Variants in FLI1 observed in about 807,000 individuals in gnomAD.
FLI1 encodes the protein Fli-1 proto-oncogene, ETS transcription factor.
In FLI1, 13 loss-of-function variants were observed where a neutral mutation model predicts 53.1. The ratio of observed to expected loss-of-function variants is 0.24; its 90% confidence interval spans 0.16 to 0.39. The LOEUF (loss-of-function observed/expected upper bound fraction) is 0.39, where lower values mean the gene tolerates loss of function less well. Among genes scored for constraint, FLI1 ranks in the 10% least tolerant of loss-of-function variants. The probability of loss-of-function intolerance (pLI) is 1.00; values close to 1 mark genes in which losing one functional copy is unlikely to be tolerated. For missense variants in FLI1, 424 were observed against 600.5 expected, an observed-to-expected ratio of 0.71 and a Z score of 3.07; for synonymous variants, 244 against 236.7, an observed-to-expected ratio of 1.03 and a Z score of -0.28.
chr11:128,688,438 T>C (rs1044781128), intron 1 of FLI1, among the ~76,000 whole-genome samples: 2 of 152,196 alleles, frequency 1.3e-5, no homozygotes, highest in African/African-American at 4.8e-5. Flanking sequence ...AGGGACAATC[T>C]TGAGTCTGTT....
chr11:128,752,257 T>TCA (rs1280757141), intron 1 of FLI1, among the ~76,000 whole-genome samples: 67 of 152,364 alleles, frequency 4.4e-4, no homozygotes, highest in Admixed American at 1.2e-3. Flanking sequence ...ATTACAGGCA[T>TCA]GAGCCACCAT....
At chr11:128,744,705 C>G (rs1408410310) in intron 1 of FLI1, among the ~76,000 whole-genome samples, 1 of 152,144 alleles carries the variant, frequency 6.6e-6, no homozygotes, top group Non-Finnish European at 1.5e-5. Context: ...TGTCATTGTG[C>G]CCATTTTATG....
At chr11:128,742,066 C>G (rs1001643363) in intron 1 of FLI1, among the ~76,000 whole-genome samples, 2 of 152,210 alleles carry the variant, frequency 1.3e-5, no homozygotes, top group African/African-American at 4.8e-5. Flanking sequence ...CCTTTCCTGT[C>G]GTCACTTCCC....
At chr11:128,797,167 T>C (rs1942468311) in intron 5 of FLI1, among the ~76,000 whole-genome samples, 1 of 152,226 alleles carries the variant, frequency 6.6e-6, no homozygotes, top group Non-Finnish European at 1.5e-5. Context: ...TAATTCAACG[T>C]GAATCCAAGA....
rs1942754254 is a variant in FLI1, at chr11:128,805,427, C to A, written c.717C>A (p.Asn239Lys). The change falls in exon 6 of 9, where the codon AAC becomes AAA. Residue 239 changes from asparagine (N) to lysine (K), a missense_variant. Coordinates refer to ENST00000527786, the MANE Select transcript of FLI1 (RefSeq NM_002017.5). ...AWGNNMNSGL[N>K]KSPPLGGAQT... is the part of the protein sequence containing the mutation. ...GCAATAACATGAATTCTGGCCTCAACAAAAGTAAGTAAATGTTTTATAGTT... is the reference window on the plus strand; with the variant it reads ...GCAATAACATGAATTCTGGCCTCAAAAAAAGTAAGTAAATGTTTTATAGTT... 3 of 1,563,060 alleles carry A rather than the reference C, an allele frequency of 1.9e-6. No homozygotes were observed. Among genetic ancestry groups the A allele is most frequent in the South Asian group, 1.2e-5 (1 of 85,910 alleles).
intron 1 of FLI1, among the ~76,000 whole-genome samples, chr11:128,751,065 ACAGG>A (rs1423761763): frequency 6.6e-6 from 1 of 152,168 alleles, no homozygotes; most frequent in Non-Finnish European, 1.5e-5. Flanking sequence ...GAAACCAGAG[ACAGG>A]CAGAGGACTG....
chr11:128,753,294 G>T (rs957066088), intron 1 of FLI1, among the ~76,000 whole-genome samples: 1 of 152,354 alleles, frequency 6.6e-6, no homozygotes, highest in East Asian at 1.9e-4. Flanking sequence ...AGGAGCCCAC[G>T]CCTCCTGTCT....
At chr11:128,731,846 T>C (rs1277243928) in intron 1 of FLI1, among the ~76,000 whole-genome samples, 2 of 151,694 alleles carry the variant, frequency 1.3e-5, no homozygotes, top group Non-Finnish European at 2.9e-5. Flanking sequence ...CTAATAAAAA[T>C]ACAAAAATTA....
chr11:128,765,482 C>A (rs746928740), intron 2 of FLI1, among the ~76,000 whole-genome samples: 3 of 152,250 alleles, frequency 2.0e-5, no homozygotes, highest in Non-Finnish European at 2.9e-5. Context: ...CCACCGTCCA[C>A]AAACGGGAGG....
intron 5 of FLI1, among the ~76,000 whole-genome samples, chr11:128,798,601 T>C (rs887649547): frequency 6.6e-6 from 1 of 152,180 alleles, no homozygotes; most frequent in Admixed American, 6.6e-5. Flanking sequence ...GCTGTTGGAT[T>C]CCAGGACAAG....
intron 4 of FLI1, 61 bp downstream of exon 4, chr11:128,773,046 G>C: frequency 6.7e-7 from 1 of 1,486,422 alleles, no homozygotes; most frequent in Non-Finnish European, 9.3e-7. Flanking sequence ...AACCCAGGGA[G>C]AGGAAGTCAG....
chr11:128,698,708 T>TTGTGTGTGTGTG (rs1392799033), intron 1 of FLI1, among the ~76,000 whole-genome samples: 6 of 79,196 alleles, frequency 7.6e-5, no homozygotes, highest in African/African-American at 2.7e-4. Context: ...GTGTATGTGT[T>TTGTGTGTGTGTG]TGCGTGTGTG....
rs1490354526 is a variant in FLI1, at chr11:128,812,672, T to G, written c.*1684T>G. On this transcript the variant is annotated 3_prime_UTR_variant, in exon 9 of 9. Coordinates refer to ENST00000527786, the MANE Select transcript of FLI1 (RefSeq NM_002017.5). ...AGCTAAGGCCATGGATAAACCTGTA[T>G]GTAAGGACTGGAGCAAAGCGAGCTG... 1.4e-5 allele frequency: 3 copies of G among 221,852 alleles called. No homozygotes were observed. Among genetic ancestry groups the G allele is most frequent in the African/African-American group, 6.7e-5 (3 of 44,858 alleles). The allele number at this position is 221,852 out of a possible 1,614,324, so 13.7% of individuals were successfully genotyped here.
At chr11:128,697,487 G>A (rs939503378) in intron 1 of FLI1, among the ~76,000 whole-genome samples, 12 of 152,272 alleles carry the variant, frequency 7.9e-5, no homozygotes, top group African/African-American at 2.6e-4. Flanking sequence ...ACAAGCCATA[G>A]GAAGAATTTT....
intron 2 of FLI1, chr11:128,764,760 G>A (rs1941264767): frequency 1.3e-6 from 2 of 1,589,284 alleles, no homozygotes; most frequent in Non-Finnish European, 1.7e-6. Context: ...GCGCTGGCTG[G>A]AGGAGGCACG....
intron 1 of FLI1, among the ~76,000 whole-genome samples, chr11:128,721,670 C>A (rs1468272507): frequency 6.6e-6 from 1 of 152,154 alleles, no homozygotes; most frequent in Admixed American, 6.5e-5. Context: ...TGAACCCAAA[C>A]CTTTGGGGGC....
chr11:128,687,429 G>T (rs764575774), intron 1 of FLI1, among the ~76,000 whole-genome samples: 1 of 152,160 alleles, frequency 6.6e-6, no homozygotes, highest in Non-Finnish European at 1.5e-5. Flanking sequence ...GTCCCCTCAC[G>T]CCATGCAGCC....
rs35352545 is a variant in FLI1 at position 128,787,807 on chromosome 11, AT to A, written c.655+5801del. On this transcript the variant is annotated intron_variant, in intron 5 of 8. Transcript: ENST00000527786. ...ACATTATTATTGAAAGCTAATTACAATTTTTTTTTTTTTTTTTGAGATGGAG... is the reference window on the plus strand; with the variant it reads ...ACATTATTATTGAAAGCTAATTACAATTTTTTTTTTTTTTTTGAGATGGAG... Among the ~76,000 whole-genome samples the A allele has an allele frequency of 1.4e-3, 193 of 137,352 alleles. 2 individuals carry two copies. Among genetic ancestry groups the A allele is most frequent in the Admixed American group, 4.3e-3 (59 of 13,586 alleles). The allele number at this position is 137,352 out of a possible 152,430, so 90.1% of individuals were successfully genotyped here.
intron 6 of FLI1, 195 bp from the exon 7 acceptor site, chr11:128,806,985 C>A (rs578189066): frequency 3.0e-5 from 12 of 397,144 alleles, no homozygotes; most frequent in African/African-American, 2.5e-4. Flanking sequence ...ACTGCTTGTT[C>A]ATTCCTGAAT....
Sources: allele counts gnomAD v4.1 joint callset (sites outside exome capture counted in the v4.1 genomes callset), GRCh38; gene constraint gnomAD v4.1.1; transcripts MANE v1.5; gene names NCBI Gene and HGNC (gene_info 2026-07-23, HGNC 2026-07-21).